Variants in PPP2R2C observed in about 807,000 individuals in gnomAD.
The protein encoded by PPP2R2C is protein phosphatase 2, regulatory subunit B, gamma.
A neutral mutation model predicts 45.3 loss-of-function variants in PPP2R2C; 10 were observed. That is an observed-to-expected ratio of 0.22 (90% CI 0.14 to 0.37). The LOEUF is 0.37. Ranked by LOEUF, PPP2R2C falls within the 10% of genes least tolerant of loss-of-function variation. The probability of loss-of-function intolerance (pLI) is 1.00; values close to 1 mark genes in which losing one functional copy is unlikely to be tolerated. For synonymous variants in PPP2R2C, 257 were observed against 245.4 expected (o/e 1.05, Z -0.44); for missense variants, 308 against 619.7 (o/e 0.50, Z 5.34).
At chr4:6,427,674 G>C (rs1173885297) in intron 1 of PPP2R2C, among the ~76,000 whole-genome samples, 2 of 152,228 alleles carry the variant, frequency 1.3e-5, no homozygotes, top group African/African-American at 4.8e-5. Context: ...TCATCAGTAT[G>C]CTCGGTGATG....
chr4:6,338,374 T>C (rs1429417492), intron 6 of PPP2R2C, among the ~76,000 whole-genome samples: 5 of 152,174 alleles, frequency 3.3e-5, no homozygotes, highest in Non-Finnish European at 4.4e-5. Context: ...TTGCACGGTG[T>C]TGTGGCCACA....
Position 6,329,181 on chromosome 4 carries a change from A to T in PPP2R2C, c.1052+81T>A. The stretch of plus-strand genomic sequence containing the variant: ...GCTGAGTAGCCCCATGCTGCGGGTC[A>T]CCGGAATCCCAGCCCAGACCCCTGC... On this transcript the variant is annotated intron_variant, in intron 8 of 8. Coordinates refer to ENST00000382599, the MANE Select transcript of PPP2R2C (RefSeq NM_020416.4). This position sits in a 1 kb window ranked among gnomAD's most constrained non-coding sequence, Gnocchi z 5.8. The T allele has an allele frequency of 7.4e-7, 1 of 1,353,254 alleles. No individual in the cohort carries two copies. Among genetic ancestry groups the T allele is most frequent in the Non-Finnish European group, 1.0e-6 (1 of 958,338 alleles). 83.8% of individuals were successfully genotyped at this position (1,353,254 alleles called of 1,614,324 possible).
chr4:6,379,523 G>A (rs1577127840), intron 2 of PPP2R2C, among the ~76,000 whole-genome samples: 1 of 152,204 alleles, frequency 6.6e-6, no homozygotes, highest in East Asian at 1.9e-4. Context: ...TATGACAAAG[G>A]TCAGTGGGAC....
At chr4:6,338,407 C>T (rs1047282968) in intron 6 of PPP2R2C, among the ~76,000 whole-genome samples, 5 of 152,208 alleles carry the variant, frequency 3.3e-5, no homozygotes, top group African/African-American at 1.2e-4. Context: ...CACCCCCATC[C>T]CTGGCTCAGG....
intron 2 of PPP2R2C, among the ~76,000 whole-genome samples, chr4:6,509,014 C>G (rs1723336824): frequency 6.6e-6 from 1 of 152,260 alleles, no homozygotes; most frequent in Non-Finnish European, 1.5e-5. Flanking sequence ...GTCTCTCACT[C>G]TGCCTTTTGC....
At chr4:6,440,731 G>T (rs1345600756) in intron 1 of PPP2R2C, among the ~76,000 whole-genome samples, 2 of 152,176 alleles carry the variant, frequency 1.3e-5, no homozygotes, top group Non-Finnish European at 2.9e-5. Flanking sequence ...GCTGATGGAC[G>T]CCGCCTGAGT....
intron 5 of PPP2R2C, among the ~76,000 whole-genome samples, chr4:6,352,838 A>G (rs756828281): frequency 6.6e-6 from 1 of 152,152 alleles, no homozygotes; most frequent in Non-Finnish European, 1.5e-5. Flanking sequence ...CATTTGGGAA[A>G]AGGGTCTTTG....
chr4:6,467,160 C>T (rs974568199), intron 1 of PPP2R2C, among the ~76,000 whole-genome samples: 10 of 152,090 alleles, frequency 6.6e-5, no homozygotes, highest in African/African-American at 2.2e-4. Flanking sequence ...CAAACAGAAG[C>T]GAAAGGAACA....
intron 1 of PPP2R2C, among the ~76,000 whole-genome samples, chr4:6,405,394 CAAAT>C: frequency 6.6e-6 from 1 of 152,162 alleles, no homozygotes; most frequent in East Asian, 1.9e-4. Flanking sequence ...GCTTGATAAA[CAAAT>C]AACTGGATAA....
At chr4:6,326,450 G>A (rs180705434) in intron 8 of PPP2R2C, among the ~76,000 whole-genome samples, 10 of 152,294 alleles carry the variant, frequency 6.6e-5, no homozygotes, top group African/African-American at 9.6e-5. Context: ...AGGCAGGACA[G>A]ATCAAGGAGA....
intron 1 of PPP2R2C, chr4:6,382,936 A>C: frequency 9.2e-7 from 1 of 1,086,098 alleles, no homozygotes; most frequent in Non-Finnish European, 1.1e-6. Flanking sequence ...AAAAGCACAG[A>C]GTGTTCTAAA....
Position 6,563,239 on chromosome 4 carries a change from G to A in PPP2R2C, c.-59+321C>T, listed in dbSNP as rs899036482. 2.6e-5 allele frequency among the ~76,000 whole-genome samples: 4 copies of A among 152,214 alleles called. No homozygotes were observed. Among genetic ancestry groups the A allele is most frequent in the Non-Finnish European group, 4.4e-5 (3 of 68,030 alleles). On this transcript the variant is annotated intron_variant, in intron 1 of 9. Transcript: ENST00000506140. The surrounding 1 kb of genome is among the most constrained non-coding windows in gnomAD (Gnocchi z 5.8). ...CGATCTGCCCTGGCTCGCGCGGCGA[G>A]CAAGTGCTGGAGGCAGGGTTCCAAG...
At chr4:6,350,771 A>C in intron 5 of PPP2R2C, 10 of 985,360 alleles carry the variant, frequency 1.0e-5, no homozygotes, top group Non-Finnish European at 1.2e-5. Context: ...CTCCAGGCTG[A>C]AGTTTTGAGA....
intron 2 of PPP2R2C, among the ~76,000 whole-genome samples, chr4:6,517,721 C>T (rs1469627291): frequency 6.6e-6 from 1 of 152,174 alleles, no homozygotes; most frequent in Non-Finnish European, 1.5e-5. Flanking sequence ...TTTCAACAGT[C>T]CATCATGCTG....
At chr4:6,469,833 C>A (rs1721773768) in intron 1 of PPP2R2C, among the ~76,000 whole-genome samples, 1 of 152,224 alleles carries the variant, frequency 6.6e-6, no homozygotes, top group Non-Finnish European at 1.5e-5. Flanking sequence ...GGCCAGAATT[C>A]TACCTATTAT....
rs1401400042 is a variant in PPP2R2C, at chr4:6,472,178, G to A, written c.52C>T (p.His18Tyr). The change falls in exon 1 of 9, where the codon CAC (histidine) becomes TAC (tyrosine). Residue 18 changes from histidine (H) to tyrosine (Y), a missense_variant. By Grantham distance (83) the His-to-Tyr change is moderately conservative. Transcript: ENST00000382599. ...ACGTTACCTTCAGTCACATAGCTGT[G>A]GTCCCGCAGGAAGCTGTGGTTAATT... is the stretch of plus-strand genomic sequence containing the variant. Reference protein sequence around the residue: ...RKINHSFLRDHSYVTEADIIS... With the variant: ...RKINHSFLRDYSYVTEADIIS... 3 of 1,613,560 alleles carry A rather than the reference G, an allele frequency of 1.9e-6. No individual in the cohort carries two copies. Among genetic ancestry groups the A allele is most frequent in the Non-Finnish European group, 2.5e-6 (3 of 1,179,592 alleles).
intron 1 of PPP2R2C, among the ~76,000 whole-genome samples, chr4:6,417,409 T>A (rs1348137468): frequency 6.6e-6 from 1 of 152,198 alleles, no homozygotes; most frequent in African/African-American, 2.4e-5. Flanking sequence ...AATCTTCCAA[T>A]GAGAAGAATC....
intron 1 of PPP2R2C, among the ~76,000 whole-genome samples, chr4:6,425,673 CA>C (rs1403422982): frequency 1.3e-5 from 2 of 152,200 alleles, no homozygotes; most frequent in African/African-American, 4.8e-5. Flanking sequence ...CAGGAACTCA[CA>C]AAAATGCAGG....
chr4:6,383,860 C>A (rs1716037530), intron 1 of PPP2R2C: 2 of 994,836 alleles, frequency 2.0e-6, no homozygotes, highest in Non-Finnish European at 1.2e-6. Context: ...TTTTTCCAGT[C>A]TGGGCCTTTT....
Sources: gnomAD v4.1 joint callset for allele counts (sites outside exome capture counted in the v4.1 genomes callset) on GRCh38, gnomAD v4.1.1 for gene constraint, Gnocchi (gnomAD v3.1) non-coding constraint, MANE v1.5 for transcripts, NCBI Gene and HGNC (gene_info 2026-07-23, HGNC 2026-07-21) for gene names.